TMEM230: variants seen among roughly 807,000 people sequenced by gnomAD.
TMEM230 encodes transmembrane protein 230.
A neutral mutation model predicts 15.8 loss-of-function variants in TMEM230; 10 were observed. The observed-to-expected ratio is 0.63, with a 90% confidence interval of 0.39 to 1.07. The LOEUF is 1.07. Among genes scored for constraint, TMEM230 ranks in the 50% least tolerant of loss-of-function variants. The pLI, the probability that TMEM230 is intolerant of heterozygous loss-of-function variation, is 0.01. For synonymous variants in TMEM230, 67 were observed against 76.9 expected, an observed-to-expected ratio of 0.87 and a Z score of 0.68; for missense variants, 165 against 193.3, an observed-to-expected ratio of 0.85 and a Z score of 0.87.
chr20:5,099,741 G>A, downstream of TMEM230: 1 of 630,976 alleles, frequency 1.6e-6, no homozygotes, highest in Non-Finnish European at 2.0e-6. Context: ...CATAACCTCA[G>A]AGTTAGGGAA....
chr20:5,094,408 T>A (rs1346709076), intron 3 of TMEM230, among the ~76,000 whole-genome samples: 1 of 151,484 alleles, frequency 6.6e-6, no homozygotes, highest in Non-Finnish European at 1.5e-5. Context: ...ACCTGGCTAA[T>A]TTTTAAAAAA....
chr20:5,074,568 T>C (rs2122560042), intron 3 of TMEM230, among the ~76,000 whole-genome samples: 1 of 137,064 alleles, frequency 7.3e-6, no homozygotes, highest in South Asian at 2.1e-4. Flanking sequence ...GAAGTCCCTG[T>C]GTAAACACAA....
intron 4 of TMEM230, among the ~76,000 whole-genome samples, chr20:5,105,877 C>A (rs2090056574): frequency 1.3e-5 from 2 of 151,716 alleles, no homozygotes; most frequent in South Asian, 4.2e-4. Context: ...TGTCTCTACA[C>A]AAAATAAAAC....
At chr20:5,082,022 C>T (rs2089195223) in intron 3 of TMEM230, among the ~76,000 whole-genome samples, 1 of 149,056 alleles carries the variant, frequency 6.7e-6, no homozygotes, top group Admixed American at 6.7e-5. Flanking sequence ...TACAGGCACC[C>T]ACCACCACGC....
intron 3 of TMEM230, among the ~76,000 whole-genome samples, chr20:5,079,960 T>C (rs2089132317): frequency 6.6e-6 from 1 of 152,190 alleles, no homozygotes; most frequent in Non-Finnish European, 1.5e-5. Flanking sequence ...ATAGTTTTTG[T>C]TTGTTTGAAA....
chr20:5,086,666 A>G (rs141842308), intron 3 of TMEM230, among the ~76,000 whole-genome samples: 15 of 151,534 alleles, frequency 9.9e-5, no homozygotes, highest in African/African-American at 3.6e-4. Flanking sequence ...TTTGCTTACT[A>G]TAATTCCATA....
rs1369193248 is a variant in TMEM230, at chr20:5,111,606, CT to C, written c.69-2del. 3 of 37,420 alleles carry C rather than the reference CT, an allele frequency of 8.0e-5. No homozygotes were observed. Among genetic ancestry groups the C allele is most frequent in the East Asian group, 1.6e-3 (1 of 638 alleles). The allele number at this position is 37,420 out of a possible 1,614,324, so 2.3% of individuals were successfully genotyped here. ...CCTGGGCGACAGAACTAGACTCCAT[CT>C]AAAAAAAAAAAAAAAAAAAAAAAAA... On this transcript the variant is annotated splice_acceptor_variant, in intron 1 of 4. Transcript: ENST00000342308. LOFTEE classifies it high-confidence loss of function.
rs139824737 is a variant in TMEM230 at position 5,106,289 on chromosome 20, T to C, written c.310A>G (p.Ile104Val). The change falls in exon 4 of 5, where the codon ATC becomes GTC. Residue 104 changes from isoleucine to valine, a missense_variant. Coordinates refer to ENST00000342308, the MANE Select transcript of TMEM230 (RefSeq NM_001009923.2). ...GCAAGTGCGATGGCCTTATAAGGGA[T>C]CTTAGGAGGGGTTTTCTTAAACTGG... is the stretch of plus-strand genomic sequence containing the variant. 6.2e-7 allele frequency: 1 copy of C among 1,608,562 alleles called. No individual in the cohort carries two copies. The highest frequency in any genetic ancestry group is 2.2e-5 in the East Asian group (1 of 44,778).
chr20:5,070,870 G>C (rs1020933921), intron 3 of TMEM230, among the ~76,000 whole-genome samples: 1 of 152,066 alleles, frequency 6.6e-6, no homozygotes, highest in Non-Finnish European at 1.5e-5. Context: ...GCACTCAAGC[G>C]ATCCTCTCAC....
At chr20:5,097,648 A>G (rs1208488372), downstream of TMEM230, among the ~76,000 whole-genome samples, 1 of 151,830 alleles carries the variant, frequency 6.6e-6, no homozygotes, top group East Asian at 1.9e-4. Context: ...TTGTTTTATT[A>G]TTTTTTTGAG....
At chr20:5,073,513 G>A (rs74483766) in intron 3 of TMEM230, among the ~76,000 whole-genome samples, 1 of 152,184 alleles carries the variant, frequency 6.6e-6, no homozygotes, top group Non-Finnish European at 1.5e-5. Context: ...CCAGGGCCTG[G>A]CTGAGGCCTG....
At chr20:5,106,976 G>A (rs915586782) in intron 3 of TMEM230, among the ~76,000 whole-genome samples, 3 of 152,250 alleles carry the variant, frequency 2.0e-5, no homozygotes, top group South Asian at 4.1e-4. Context: ...CCAAAGTGCT[G>A]GGATTACAGG....
intron 3 of TMEM230, among the ~76,000 whole-genome samples, chr20:5,087,170 G>A (rs911105285): frequency 1.3e-5 from 2 of 152,056 alleles, no homozygotes; most frequent in South Asian, 2.1e-4. Flanking sequence ...CGCCATGGCC[G>A]GCCAACAATT....
intron 3 of TMEM230, among the ~76,000 whole-genome samples, chr20:5,075,769 A>G (rs1437851059): frequency 1.3e-5 from 2 of 151,996 alleles, no homozygotes; most frequent in Admixed American, 6.6e-5. Context: ...TCTTTTTCCT[A>G]TAGGGGCCCA....
At chr20:5,076,918 T>C (rs2089021218) in intron 3 of TMEM230, among the ~76,000 whole-genome samples, 1 of 151,744 alleles carries the variant, frequency 6.6e-6, no homozygotes, top group African/African-American at 2.4e-5. Context: ...CCTCAGGTGA[T>C]CCACCCACCT....
At chr20:5,089,283 G>T (rs936743482) in intron 3 of TMEM230, among the ~76,000 whole-genome samples, 1 of 152,140 alleles carries the variant, frequency 6.6e-6, no homozygotes, top group African/African-American at 2.4e-5. Context: ...ACTGAGGCAG[G>T]AGAATCGCTT....
chr20:5,105,834 T>C (rs1401985429), intron 4 of TMEM230, among the ~76,000 whole-genome samples: 1 of 151,818 alleles, frequency 6.6e-6, no homozygotes, highest in East Asian at 1.9e-4. Context: ...ACCTCAGGAG[T>C]TAGAGATCAG....
At chr20:5,060,168 T>G in the TMEM230 span, among the ~76,000 whole-genome samples, 14 of 152,130 alleles carry the variant, frequency 9.2e-5, no homozygotes, top group African/African-American at 3.4e-4. Flanking sequence ...CGCCTTGGCC[T>G]CCCACAATGC....
At chr20:5,089,841 A>C (rs190751018) in intron 3 of TMEM230, among the ~76,000 whole-genome samples, 3 of 152,202 alleles carry the variant, frequency 2.0e-5, no homozygotes, top group African/African-American at 7.2e-5. Context: ...AACAGGGCAA[A>C]ACCCCATCTC....
Sources: gnomAD v4.1 joint callset for allele counts (sites outside exome capture counted in the v4.1 genomes callset) on GRCh38, gnomAD v4.1.1 for gene constraint, MANE v1.5 for transcripts, NCBI Gene and HGNC (gene_info 2026-07-23, HGNC 2026-07-21) for gene names.